Variants in NECAB3 observed in about 807,000 individuals in gnomAD.
The protein encoded by NECAB3 is N-terminal EF-hand calcium binding protein 3, also known as N-terminal EF-hand calcium-binding protein 3.
Under a neutral mutation model 57.2 loss-of-function variants are expected in NECAB3, and 38 were observed. The observed-to-expected ratio is 0.66, with a 90% confidence interval of 0.51 to 0.87. NECAB3 has a LOEUF of 0.87. Ranked by LOEUF, NECAB3 falls within the 40% of genes least tolerant of loss-of-function variation. NECAB3 has a pLI of 0.00. For synonymous variants in NECAB3, 223 were observed against 222.6 expected (o/e 1.00, Z -0.02); for missense variants, 474 against 527.5 (o/e 0.90, Z 0.99).
At chr20:33,672,466 G>A in intron 1 of NECAB3, 44 bp from the exon 2 acceptor site, 1 of 1,612,016 alleles carries the variant, frequency 6.2e-7, no homozygotes, top group Non-Finnish European at 8.5e-7. Context: ...GTGCCACCTG[G>A]GAAGCCAGAG....
chr20:33,670,831 T>G, intron 2 of NECAB3, 39 bp from the exon 3 acceptor site: 3 of 1,504,950 alleles, frequency 2.0e-6, no homozygotes, highest in Non-Finnish European at 1.8e-6. Flanking sequence ...AGAGGAGGTA[T>G]CCCTGACCCT....
rs1331966466 is a variant in NECAB3, at chr20:33,660,362, C to T, written c.421G>A (p.Val141Met). Residue 141 changes from valine to methionine, a missense_variant, in exon 6 of 12, where the codon GTG (valine) becomes ATG (methionine). Physicochemically the swap from Val to Met is conservative, Grantham distance 21 (BLOSUM62 1). Transcript: ENST00000246190. The surrounding 1 kb of genome is among the most constrained non-coding windows in gnomAD (Gnocchi z 4.1). ...YERASKVDQF[V>M]TRFLLRETVS... Reference sequence around the variant, plus strand: ...GTCTCCCGCAGCAGGAAGCGCGTCACAAACTGGTCCACTTTGGAGGCCCTC... The same window carrying T: ...GTCTCCCGCAGCAGGAAGCGCGTCATAAACTGGTCCACTTTGGAGGCCCTC... 1.2e-6 allele frequency: 2 copies of T among 1,613,742 alleles called. No individual in the cohort carries two copies. Among genetic ancestry groups the T allele is most frequent in the African/African-American group, 1.3e-5 (1 of 75,056 alleles).
chr20:33,667,743 G>C (rs542910609), intron 5 of NECAB3: 1 of 1,612,354 alleles, frequency 6.2e-7, no homozygotes, highest in Admixed American at 1.7e-5. Flanking sequence ...ATCTCAAGAA[G>C]CGCAGCTGCT....
chr20:33,667,431 G>A (rs1244945826), intron 5 of NECAB3: 2 of 1,409,936 alleles, frequency 1.4e-6, no homozygotes, highest in East Asian at 2.7e-5. Context: ...CGCCGTTGGC[G>A]CCGCCCGCGG....
intron 5 of NECAB3, among the ~76,000 whole-genome samples, chr20:33,668,796 T>A (rs1019763952): frequency 6.6e-6 from 1 of 152,234 alleles, no homozygotes; most frequent in African/African-American, 2.4e-5. Flanking sequence ...GAGGTGGAGA[T>A]ATTTCTTGAA....
At chr20:33,674,114 G>A in intron 1 of NECAB3, 110 bp downstream of exon 1, 2 of 1,116,080 alleles carry the variant, frequency 1.8e-6, no homozygotes, top group Non-Finnish European at 2.3e-6. Context: ...CAGGGCCAGA[G>A]AGAGGGGAAG....
intron 7 of NECAB3, 63 bp from the exon 8 acceptor site, chr20:33,659,795 G>A: frequency 6.5e-7 from 1 of 1,532,668 alleles, no homozygotes; most frequent in Non-Finnish European, 8.8e-7. Flanking sequence ...TGCTCAGAAT[G>A]AAGTGAGGGG....
chr20:33,667,801 C>T, intron 5 of NECAB3: 1 of 1,612,650 alleles, frequency 6.2e-7, no homozygotes, highest in South Asian at 1.1e-5. Flanking sequence ...CGCCCGCCAC[C>T]ATCCGGCCAG....
chr20:33,662,482 G>C, intron 5 of NECAB3: 1 of 1,551,278 alleles, frequency 6.4e-7, no homozygotes, highest in Non-Finnish European at 8.7e-7. Context: ...GTGAGGGCGG[G>C]GGATGGGGAG....
At chr20:33,671,177 C>T (rs1268584863) in intron 2 of NECAB3, among the ~76,000 whole-genome samples, 2 of 152,226 alleles carry the variant, frequency 1.3e-5, no homozygotes, top group African/African-American at 2.4e-5. Flanking sequence ...CACAAGGAAC[C>T]TCCATTCTCT....
At chr20:33,672,116 G>A in intron 2 of NECAB3, 4 of 523,804 alleles carry the variant, frequency 7.6e-6, no homozygotes, top group Non-Finnish European at 1.4e-5. Context: ...GGACAACAGA[G>A]GGCCACGTAC....
intron 5 of NECAB3, chr20:33,668,043 G>A (rs760020118): frequency 1.8e-5 from 28 of 1,554,194 alleles, no homozygotes; most frequent in Non-Finnish European, 2.4e-5. Context: ...TGGACAAGGA[G>A]CTGGAGGCGC....
rs145820500 is a variant in NECAB3 at position 33,657,617 on chromosome 20, T to C, written c.*212A>G. Reference sequence around the variant, plus strand: ...GCAGAAGCCAAAGTAGCTTGGAGGCTGAAGTGACAAACAATAAAATACAGG... The same window carrying C: ...GCAGAAGCCAAAGTAGCTTGGAGGCCGAAGTGACAAACAATAAAATACAGG... On this transcript the variant is annotated 3_prime_UTR_variant, in exon 12 of 12. Transcript: ENST00000246190. The C allele has an allele frequency of 5.5e-4, 275 of 503,566 alleles. No individual in the cohort carries two copies. The highest frequency in any genetic ancestry group is 5.1e-3 in the African/African-American group (253 of 49,902). The allele number at this position is 503,566 out of a possible 1,614,324, so 31.2% of individuals were successfully genotyped here. A position where few individuals can be genotyped will look rare whatever the true frequency, so the allele number is the denominator to read the frequency against.
chr20:33,658,121 G>A, intron 10 of NECAB3, 88 bp from the exon 11 acceptor site: 1 of 1,149,520 alleles, frequency 8.7e-7, no homozygotes, highest in Non-Finnish European at 1.2e-6. Flanking sequence ...TTCTCACACT[G>A]CCTCTGGAGC....
At position 33,668,423 on chromosome 20, in the gene NECAB3, A is replaced by G. The variant is rs912942916; in HGVS notation, c.387+952T>C. ...ACCCTCATTTTGAACTGCAGTTTGA[A>G]TCTCCCCAACCACTGCCAGTTCAGA... is the stretch of plus-strand genomic sequence containing the variant. On this transcript the variant is annotated intron_variant, in intron 5 of 11. Transcript: ENST00000246190. 9.4e-6 allele frequency: 7 copies of G among 746,694 alleles called. No homozygotes were observed. In the African/African-American group the frequency reaches 1.3e-4, roughly 13 times the overall value. 46.3% of individuals were successfully genotyped at this position (746,694 alleles called of 1,614,324 possible). A position where few individuals can be genotyped will look rare whatever the true frequency, so the allele number is the denominator to read the frequency against.
At chr20:33,662,043 A>G (rs547021307) in intron 5 of NECAB3, 2 of 280,448 alleles carry the variant, frequency 7.1e-6, no homozygotes, top group Admixed American at 1.0e-4. Context: ...ACCTGGGCTA[A>G]GGTCACATAG....
At chr20:33,670,442 G>A (rs1031515169) in intron 3 of NECAB3, 1 of 431,380 alleles carries the variant, frequency 2.3e-6, no homozygotes, top group South Asian at 4.1e-5. Flanking sequence ...CGGGAATGGG[G>A]AGCTGAGCCA....
chr20:33,657,839 T>C lies in NECAB3; in HGVS notation c.1181A>G (p.Asn394Ser), dbSNP rs771494532. ...GTGTGCAGGTCTGGCTCAGTTGTTA[T>C]TCATTATCCACCAGGAGGCTGGGGG... ...VFFPASWWIM[N>S]NN is the part of the protein sequence containing the mutation. Residue 394 changes from asparagine (N) to serine (S), a missense_variant, in exon 12 of 12, where the codon AAT becomes AGT. By Grantham distance (46) the Asn-to-Ser change is conservative. Coordinates refer to ENST00000246190, the MANE Select transcript of NECAB3 (RefSeq NM_031232.4). 6.6e-5 allele frequency: 101 copies of C among 1,540,584 alleles called. No individual in the cohort carries two copies. Among genetic ancestry groups the C allele is most frequent in the East Asian group, 2.4e-5 (1 of 40,838 alleles).
chr20:33,664,033 A>T (rs2017581134), intron 5 of NECAB3: 1 of 580,002 alleles, frequency 1.7e-6, no homozygotes, highest in South Asian at 2.9e-5. Flanking sequence ...CACGGTCTGG[A>T]GCCAGGGCTG....
Sources: gnomAD v4.1 joint callset for allele counts (sites outside exome capture counted in the v4.1 genomes callset) on GRCh38, gnomAD v4.1.1 for gene constraint, Gnocchi (gnomAD v3.1) non-coding constraint, MANE v1.5 for transcripts, NCBI Gene and HGNC (gene_info 2026-07-23, HGNC 2026-07-21) for gene names.